The following FBXO8 variants were observed in gnomAD, a reference collection of about 807,000 sequenced individuals.
FBXO8 encodes F-box only protein 8.
In FBXO8, 15 loss-of-function variants were observed where a neutral mutation model predicts 33.4. The ratio of observed to expected loss-of-function variants is 0.45; its 90% CI spans 0.30 to 0.69. The LOEUF (loss-of-function observed/expected upper bound fraction) is 0.69, where lower values mean the gene tolerates loss of function less well. Ranked by LOEUF, FBXO8 falls within the 30% of genes least tolerant of loss-of-function variation. The pLI, the probability that FBXO8 is intolerant of heterozygous loss-of-function variation, is 0.08. For missense variants in FBXO8, 274 were observed against 380.3 expected, an observed-to-expected ratio of 0.72 and a Z score of 2.32; for synonymous variants, 132 against 131.5, an observed-to-expected ratio of 1.00 and a Z score of -0.02.
At chr4:174,276,935 C>T (rs1037174735) in intron 1 of FBXO8, among the ~76,000 whole-genome samples, 2 of 152,020 alleles carry the variant, frequency 1.3e-5, no homozygotes, top group African/African-American at 4.8e-5. Flanking sequence ...TGGCTATGAG[C>T]CTTAACTAAG....
rs1253645469 is a variant in FBXO8 at position 174,281,224 on chromosome 4, C to CT, written c.-9+2185dup. Among the ~76,000 whole-genome samples the CT allele has an allele frequency of 2.0e-5, 3 of 152,098 alleles. No individual in the cohort carries two copies. The highest frequency in any genetic ancestry group is 2.1e-4 in the South Asian group (1 of 4,834). On this transcript the variant is annotated intron_variant, in intron 1 of 5. Coordinates refer to ENST00000393674, the MANE Select transcript of FBXO8 (RefSeq NM_012180.3). This position sits in a 1 kb window ranked among gnomAD's most constrained non-coding sequence, Gnocchi z 4.6. ...TATTCATGACTTCCACAAATCACTA[C>CT]TCCATATAGAGTCTCTCCAAGCTTG...
rs1735963784 is a variant in FBXO8 at position 174,238,986 on chromosome 4, A to G, written c.772+8T>C. ...GGGGTGATGTACTATTAATATATAT[A>G]TTCTTACCAGGACTAAGGCCAAGTT... is the stretch of plus-strand genomic sequence containing the variant. On this transcript the variant is annotated splice_region_variant and intron_variant, in intron 5 of 5. Transcript: ENST00000393674. The G allele has an allele frequency of 1.3e-6, 2 of 1,515,590 alleles. No homozygotes were observed. The highest frequency in any genetic ancestry group is 1.8e-6 in the Non-Finnish European group (2 of 1,126,356). The allele number at this position is 1,515,590 out of a possible 1,614,324, so 93.9% of individuals were successfully genotyped here.
In FBXO8 at chr4:174,259,638, A is replaced by C; in HGVS notation, c.456+61T>G. 6.4e-7 allele frequency: 1 copy of C among 1,558,314 alleles called. No homozygotes were observed. The highest frequency in any genetic ancestry group is 8.6e-7 in the Non-Finnish European group (1 of 1,159,528). On this transcript the variant is annotated intron_variant, in intron 3 of 5. Coordinates refer to ENST00000393674, the MANE Select transcript of FBXO8 (RefSeq NM_012180.3). The surrounding 1 kb of genome is among the most constrained non-coding windows in gnomAD (Gnocchi z 4.3). ...TTTCCCTGCTAGTTTATGATATTGG[A>C]AAGCTGCAGCAAGATAGTAATAAAG...
intron 1 of FBXO8, among the ~76,000 whole-genome samples, chr4:174,264,941 A>T (rs1408284621): frequency 6.6e-6 from 1 of 152,142 alleles, no homozygotes; most frequent in Non-Finnish European, 1.5e-5. Flanking sequence ...AAAATAATCC[A>T]CTTTAAAAAT....
Position 174,272,723 on chromosome 4 carries a change from G to C in FBXO8, c.-8-9623C>G, listed in dbSNP as rs1736866253. Among the ~76,000 whole-genome samples the C allele has an allele frequency of 6.6e-6, 1 of 152,150 alleles. No individual in the cohort carries two copies. On this transcript the variant is annotated intron_variant, in intron 1 of 5. Coordinates refer to ENST00000393674, the MANE Select transcript of FBXO8 (RefSeq NM_012180.3). The surrounding 1 kb of genome is among the most constrained non-coding windows in gnomAD (Gnocchi z 4.7). ...ATGGATGTTGTTGAATCTGGAGTTT[G>C]ACAAAGAATGGAATACTTACAGAAT...
rs973131745 is a variant in FBXO8 at position 174,257,535 on chromosome 4, G to A, written c.456+2164C>T. Among the ~76,000 whole-genome samples the A allele has an allele frequency of 6.6e-6, 1 of 151,980 alleles. No individual in the cohort carries two copies. The highest frequency in any genetic ancestry group is 1.9e-4 in the East Asian group (1 of 5,186). Reference sequence around the variant, plus strand: ...TGATTAAATGGGCATAATAAGACTGGGGCTTAAAACAGCTGCCTCTCCTGA... The same window carrying A: ...TGATTAAATGGGCATAATAAGACTGAGGCTTAAAACAGCTGCCTCTCCTGA... On this transcript the variant is annotated intron_variant, in intron 3 of 5. Coordinates refer to ENST00000393674, the MANE Select transcript of FBXO8 (RefSeq NM_012180.3). The surrounding 1 kb of genome is among the most constrained non-coding windows in gnomAD (Gnocchi z 4.3).
rs1438726469 is a variant in FBXO8, at chr4:174,259,338, A to C, written c.456+361T>G. On this transcript the variant is annotated intron_variant, in intron 3 of 5. Transcript: ENST00000393674. The surrounding 1 kb of genome is among the most constrained non-coding windows in gnomAD (Gnocchi z 4.3). The stretch of plus-strand genomic sequence containing the variant: ...AGTAACATCACTACTAAGGAAAAAC[A>C]ATAAACAGAAAAAAACTGCTGCAGA... 6.6e-6 allele frequency among the ~76,000 whole-genome samples: 1 copy of C among 152,092 alleles called. No homozygotes were observed. The highest frequency in any genetic ancestry group is 1.9e-4 in the East Asian group (1 of 5,196).
Position 174,257,156 on chromosome 4 carries a change from T to C in FBXO8, c.456+2543A>G, listed in dbSNP as rs1736435591. ...TACTAACAAGAACTGTATAGTTTGA[T>C]ATTGGTAGCTGCAAGGATGAAAACC... On this transcript the variant is annotated intron_variant, in intron 3 of 5. Coordinates refer to ENST00000393674, the MANE Select transcript of FBXO8 (RefSeq NM_012180.3). This position sits in a 1 kb window ranked among gnomAD's most constrained non-coding sequence, Gnocchi z 4.3. 1.3e-5 allele frequency among the ~76,000 whole-genome samples: 2 copies of C among 152,130 alleles called. No individual in the cohort carries two copies. The highest frequency in any genetic ancestry group is 2.4e-5 in the African/African-American group (1 of 41,440).
rs2332836 is a variant in FBXO8 at position 174,253,424 on chromosome 4, T to G, written c.456+6275A>C. Among the ~76,000 whole-genome samples, 7 of 152,064 alleles carry G rather than the reference T, an allele frequency of 4.6e-5. No homozygotes were observed. The highest frequency in any genetic ancestry group is 1.7e-4 in the African/African-American group (7 of 41,514). ...TTAAAATTTTGATATGTTTGCTTAG[T>G]AGCAGGAAGACCTAAACTGGCAAGA... On this transcript the variant is annotated intron_variant, in intron 3 of 5. Transcript: ENST00000393674. The surrounding 1 kb of genome is among the most constrained non-coding windows in gnomAD (Gnocchi z 4.5).
At position 174,241,752 on chromosome 4, in the gene FBXO8, A is replaced by G. The variant is rs1736046160; in HGVS notation, c.457-534T>C. ...AGGAAGCCCAACTCCAAACCAATGTATAGGTTGTACTACTTTGGCTTTAAA... is the reference window on the plus strand; with the variant it reads ...AGGAAGCCCAACTCCAAACCAATGTGTAGGTTGTACTACTTTGGCTTTAAA... On this transcript the variant is annotated intron_variant, in intron 3 of 5. Transcript: ENST00000393674. The surrounding 1 kb of genome is among the most constrained non-coding windows in gnomAD (Gnocchi z 4.2). Among the ~76,000 whole-genome samples, 1 of 151,562 alleles carries G rather than the reference A, an allele frequency of 6.6e-6. No individual in the cohort carries two copies. The highest frequency in any genetic ancestry group is 6.6e-5 in the Admixed American group (1 of 15,190).
At position 174,272,161 on chromosome 4, in the gene FBXO8, T is replaced by C. The variant is rs1372715627; in HGVS notation, c.-8-9061A>G. Among the ~76,000 whole-genome samples the C allele has an allele frequency of 6.6e-6, 1 of 152,204 alleles. No individual in the cohort carries two copies. The highest frequency in any genetic ancestry group is 1.5e-5 in the Non-Finnish European group (1 of 68,040). On this transcript the variant is annotated intron_variant, in intron 1 of 5. Transcript: ENST00000393674. This position sits in a 1 kb window ranked among gnomAD's most constrained non-coding sequence, Gnocchi z 4.7. The stretch of plus-strand genomic sequence containing the variant: ...GAAGGAGGCTTCTATTGGCCAAACC[T>C]GGAACATCAAAATAAAAATGACAGT...
Position 174,245,495 on chromosome 4 carries a change from A to T in FBXO8, c.457-4277T>A, listed in dbSNP as rs1158215398. Among the ~76,000 whole-genome samples the T allele has an allele frequency of 2.0e-5, 3 of 151,828 alleles. No individual in the cohort carries two copies. Among genetic ancestry groups the T allele is most frequent in the African/African-American group, 7.2e-5 (3 of 41,400 alleles). On this transcript the variant is annotated intron_variant, in intron 3 of 5. Transcript: ENST00000393674. This position sits in a 1 kb window ranked among gnomAD's most constrained non-coding sequence, Gnocchi z 4.6. ...TTTTAAAGACTATTTTTAGGAAGGCAGGGGAAATATTTTGGGTTGGAGAGT... is the reference window on the plus strand; with the variant it reads ...TTTTAAAGACTATTTTTAGGAAGGCTGGGGAAATATTTTGGGTTGGAGAGT...
chr4:174,282,537 ACT>A (rs1220275519), intron 1 of FBXO8, among the ~76,000 whole-genome samples: 1 of 152,114 alleles, frequency 6.6e-6, no homozygotes, highest in African/African-American at 2.4e-5. Context: ...TCTGAAACCT[ACT>A]CTGTTTCACA....
chr4:174,245,675 T>C lies in FBXO8; in HGVS notation c.457-4457A>G, dbSNP rs1486886595. Among the ~76,000 whole-genome samples, 1 of 151,776 alleles carries C rather than the reference T, an allele frequency of 6.6e-6. No individual in the cohort carries two copies. The highest frequency in any genetic ancestry group is 2.4e-5 in the African/African-American group (1 of 41,358). On this transcript the variant is annotated intron_variant, in intron 3 of 5. Transcript: ENST00000393674. The surrounding 1 kb of genome is among the most constrained non-coding windows in gnomAD (Gnocchi z 4.6). ...TGTGAATTTGGCAGCAATATAAAGA[T>C]AAATAATGAAAGAAAAATTAGATAG...
chr4:174,237,519 T>C lies in FBXO8; in HGVS notation c.853A>G (p.Lys285Glu), dbSNP rs748554240. 1.2e-6 allele frequency: 2 copies of C among 1,613,844 alleles called. No homozygotes were observed. Residue 285 changes from lysine (K) to glutamate (E), a missense_variant, in exon 6 of 6, where the codon AAA becomes GAA. Lys to Glu is a moderately conservative substitution (Grantham distance 56, BLOSUM62 1). Coordinates refer to ENST00000393674, the MANE Select transcript of FBXO8 (RefSeq NM_012180.3). This position sits in a 1 kb window ranked among gnomAD's most constrained non-coding sequence, Gnocchi z 4.4. ...TSPHVKNKMSKREFIRNTRRA... is the reference protein window; with the variant it reads ...TSPHVKNKMSEREFIRNTRRA... ...CGGGTATTTCGAATAAATTCCCTTTTTGACATTTTATTCTTCACATGAGGG... is the reference window on the plus strand; with the variant it reads ...CGGGTATTTCGAATAAATTCCCTTTCTGACATTTTATTCTTCACATGAGGG...
chr4:174,251,671 A>G lies in FBXO8; in HGVS notation c.456+8028T>C, dbSNP rs1028716283. ...AAAAAAAGAAAATCACCTCCAGTTT[A>G]GCACCATTTGACTAATTGTAGCTAG... On this transcript the variant is annotated intron_variant, in intron 3 of 5. Coordinates refer to ENST00000393674, the MANE Select transcript of FBXO8 (RefSeq NM_012180.3). The surrounding 1 kb of genome is among the most constrained non-coding windows in gnomAD (Gnocchi z 4.2). Among the ~76,000 whole-genome samples the G allele has an allele frequency of 1.3e-5, 2 of 152,170 alleles. No individual in the cohort carries two copies.
chr4:174,246,593 A>ATT (rs70947421), intron 3 of FBXO8, among the ~76,000 whole-genome samples: 5 of 151,294 alleles, frequency 3.3e-5, no homozygotes, highest in African/African-American at 1.2e-4. Context: ...AAGAGAAAGT[A>ATT]TTTTTTTTTC....
Position 174,263,085 on chromosome 4 carries a change from T to C in FBXO8, c.8A>G (p.Gln3Arg), listed in dbSNP as rs1300836340. MG[Q>R]GLWRVVRNQQ... The stretch of plus-strand genomic sequence containing the variant: ...GTTTCTGACCACTCTCCACAACCCT[T>C]GACCCATCTGCAAGCCTGGGAAAAA... Residue 3 changes from glutamine to arginine, a missense_variant, in exon 2 of 6, where the codon CAA becomes CGA. Physicochemically the swap from Gln to Arg is conservative, Grantham distance 43. Around this residue, in one of 2 missense-constraint regions of FBXO8, gnomAD observed 88 missense variants for 86.9 expected, o/e 1.01. Transcript: ENST00000393674. The surrounding 1 kb of genome is among the most constrained non-coding windows in gnomAD (Gnocchi z 4.2). 1 of 1,611,388 alleles carries C rather than the reference T, an allele frequency of 6.2e-7. No homozygotes were observed. The highest frequency in any genetic ancestry group is 8.5e-7 in the Non-Finnish European group (1 of 1,177,968).
At chr4:174,249,128 C>G (rs999674841) in intron 3 of FBXO8, among the ~76,000 whole-genome samples, 4 of 152,032 alleles carry the variant, frequency 2.6e-5, no homozygotes, top group Non-Finnish European at 2.9e-5. Flanking sequence ...TAATATCCCC[C>G]AAAAGAACCA....
Sources: gnomAD v4.1 joint callset for allele counts (sites outside exome capture counted in the v4.1 genomes callset) on GRCh38, gnomAD v4.1.1 for gene constraint, gnomAD v4.1.1 regional missense constraint, Gnocchi (gnomAD v3.1) non-coding constraint, MANE v1.5 for transcripts, NCBI Gene and HGNC (gene_info 2026-07-23, HGNC 2026-07-21) for gene names.